Variants in ADRA1A observed in about 807,000 individuals in gnomAD.
ADRA1A encodes alpha-1A adrenergic receptor.
ADRA1A carries 31 observed loss-of-function variants against 29.6 expected under a neutral mutation model. The observed-to-expected ratio is 1.05, with a 90% CI of 0.79 to 1.41. The LOEUF is 1.41. Ranked by LOEUF, ADRA1A falls within the 40% of genes most tolerant of loss-of-function variation. The pLI is 0.00. For missense variants in ADRA1A, 619 were observed against 601.1 expected, an observed-to-expected ratio of 1.03 and a Z score of -0.31; for synonymous variants, 311 against 254.3, an observed-to-expected ratio of 1.22 and a Z score of -2.12.
At chr8:26,867,367 T>A (rs1176703068), upstream of ADRA1A, 2 of 985,302 alleles carry the variant, frequency 2.0e-6, no homozygotes, top group East Asian at 2.3e-4. Flanking sequence ...GCTGTAATGT[T>A]TTCCTCTGGC....
intron 2 of ADRA1A, among the ~76,000 whole-genome samples, chr8:26,816,604 G>A (rs377528861): frequency 2.0e-5 from 3 of 151,234 alleles, no homozygotes; most frequent in Admixed American, 6.6e-5. Flanking sequence ...ATGTGCACAC[G>A]CCTAACACAC....
rs533027501 is a variant in ADRA1A, at chr8:26,757,902, C to A, written c.1270-1123G>T. On this transcript the variant is annotated intron_variant, in intron 2 of 2. Transcript: ENST00000380582. ...ACTCACACCTTTTCTATAATGACTG[C>A]ATTTTATGTAGCATCTTTCATAGGA... Among the ~76,000 whole-genome samples the A allele has an allele frequency of 3.9e-5, 6 of 152,066 alleles. No individual in the cohort carries two copies. In the South Asian group the frequency reaches 1.0e-3, roughly 26 times the overall value.
At chr8:26,788,060 C>A (rs1038157284) in intron 2 of ADRA1A, among the ~76,000 whole-genome samples, 2 of 152,070 alleles carry the variant, frequency 1.3e-5, no homozygotes, top group African/African-American at 4.8e-5. Flanking sequence ...TGAGAATCCC[C>A]AAGTATTTCA....
At chr8:26,780,221 T>C (rs989858389) in intron 2 of ADRA1A, among the ~76,000 whole-genome samples, 5 of 152,198 alleles carry the variant, frequency 3.3e-5, no homozygotes, top group Admixed American at 2.6e-4. Flanking sequence ...GGCACTTCCA[T>C]AGATACTGGA....
At chr8:26,845,947 G>A (rs1812165224) in intron 2 of ADRA1A, among the ~76,000 whole-genome samples, 2 of 152,302 alleles carry the variant, frequency 1.3e-5, no homozygotes, top group Non-Finnish European at 2.9e-5. Flanking sequence ...TTGCTAATGG[G>A]ACCCAGATTT....
exon 3 of ADRA1A, chr8:26,748,340 A>AC (rs1804779683): frequency 5.8e-6 from 1 of 171,162 alleles, no homozygotes; most frequent in Admixed American, 6.1e-5. Flanking sequence ...GTCTTACCCC[A>AC]CTCCCAACAT....
chr8:26,787,441 C>G lies in ADRA1A; in HGVS notation c.884-16775G>C, dbSNP rs1463055947. On this transcript the variant is annotated intron_variant, in intron 2 of 2. Coordinates refer to ENST00000380573, the MANE Select transcript of ADRA1A (RefSeq NM_000680.4). This position sits in a 1 kb window ranked among gnomAD's most constrained non-coding sequence, Gnocchi z 4.2. ...TATATTCTGTCTGAAAAGACTTTGA[C>G]AAAATGCAACTAATAAAGTACGCCT... Among the ~76,000 whole-genome samples the G allele has an allele frequency of 6.6e-6, 1 of 152,012 alleles. No homozygotes were observed. The highest frequency in any genetic ancestry group is 2.1e-4 in the South Asian group (1 of 4,828).
intron 2 of ADRA1A, among the ~76,000 whole-genome samples, chr8:26,783,393 A>G (rs1807138603): frequency 6.6e-6 from 1 of 152,174 alleles, no homozygotes; most frequent in South Asian, 2.1e-4. Flanking sequence ...GCGATGTGGC[A>G]TCTTTTGTTC....
intron 2 of ADRA1A, among the ~76,000 whole-genome samples, chr8:26,838,683 G>C (rs972163068): frequency 5.3e-5 from 8 of 152,108 alleles, no homozygotes; most frequent in African/African-American, 1.7e-4. Context: ...GGAGAACCAG[G>C]GTCATTCAAA....
At chr8:26,764,846 A>G (rs1805688685), downstream of ADRA1A, among the ~76,000 whole-genome samples, 1 of 152,150 alleles carries the variant, frequency 6.6e-6, no homozygotes, top group African/African-American at 2.4e-5. Context: ...CAGTGCCGTC[A>G]TTTTTTTCTC....
rs1353024849 is a variant in ADRA1A, at chr8:26,848,048, G to A, written c.883+16039C>T. On this transcript the variant is annotated intron_variant, in intron 2 of 2. Coordinates refer to ENST00000380573, the MANE Select transcript of ADRA1A (RefSeq NM_000680.4). The surrounding 1 kb of genome is among the most constrained non-coding windows in gnomAD (Gnocchi z 4.3). ...CTCTCCTACAGATGAGGACACCAGA[G>A]TGCAGAGCAAAGGGCAGGACCACGT... Among the ~76,000 whole-genome samples the A allele has an allele frequency of 2.0e-5, 3 of 152,220 alleles. No individual in the cohort carries two copies. Among genetic ancestry groups the A allele is most frequent in the African/African-American group, 7.2e-5 (3 of 41,452 alleles).
chr8:26,826,794 C>T (rs557339983), intron 2 of ADRA1A, among the ~76,000 whole-genome samples: 11 of 152,184 alleles, frequency 7.2e-5, no homozygotes, highest in Non-Finnish European at 1.0e-4. Flanking sequence ...CGAGGGTCTC[C>T]CAGTCTGATT....
At position 26,856,381 on chromosome 8, in the gene ADRA1A, T is replaced by C. The variant is rs568523505; in HGVS notation, c.883+7706A>G. ...TGTTTTCACTAAGCCTTTGATAATC[T>C]TGAAATGCTGTATAAACTCTATCAT... On this transcript the variant is annotated intron_variant, in intron 2 of 2. Coordinates refer to ENST00000380573, the MANE Select transcript of ADRA1A (RefSeq NM_000680.4). Among the ~76,000 whole-genome samples the C allele has an allele frequency of 7.9e-5, 12 of 152,346 alleles. No homozygotes were observed. In the East Asian group the frequency reaches 1.3e-3, roughly 17 times the overall value.
At chr8:26,766,843 G>A (rs539648142), downstream of ADRA1A, among the ~76,000 whole-genome samples, 1 of 152,128 alleles carries the variant, frequency 6.6e-6, no homozygotes, top group African/African-American at 2.4e-5. Context: ...AAGATGCCTG[G>A]CACACTGTAG....
Position 26,867,163 on chromosome 8 carries a change from A to C in ADRA1A, c.-914T>G. On this transcript the variant is annotated 5_prime_UTR_variant, in exon 1 of 3. Transcript: ENST00000380573. ...GCATTTTTTAAAAAGAGTCAAAATA[A>C]GAAAAGAAAAAAAAATGCAGATAAC... The C allele has an allele frequency of 1.0e-6, 1 of 985,420 alleles. No homozygotes were observed. The allele number at this position is 985,420 out of a possible 1,614,324, so 61.0% of individuals were successfully genotyped here. A position where few individuals can be genotyped will look rare whatever the true frequency, so the allele number is the denominator to read the frequency against.
At chr8:26,757,035 A>T in intron 2 of ADRA1A, 1 of 706,634 alleles carries the variant, frequency 1.4e-6, no homozygotes. Flanking sequence ...CTTTCTCCAA[A>T]CACTGAAAGA....
At chr8:26,786,238 A>ATTTTTC (rs1472667009) in intron 2 of ADRA1A, among the ~76,000 whole-genome samples, 14 of 111,686 alleles carry the variant, frequency 1.3e-4, no homozygotes, top group African/African-American at 7.0e-4. Context: ...TTTTATTTTT[A>ATTTTTC]AATTTTTTTT....
chr8:26,824,610 C>T (rs745586953), intron 2 of ADRA1A, among the ~76,000 whole-genome samples: 6 of 152,288 alleles, frequency 3.9e-5, no homozygotes, highest in Admixed American at 6.5e-5. Flanking sequence ...TGCCCCTCCC[C>T]CTTCCTCCCT....
rs1397358854 is a variant in ADRA1A, at chr8:26,825,657, A to G, written c.883+38430T>C. ...CAACTATGTCAGCCTTCACAGAGCAACTGTCATTCTTTAGGAAAAATCAAA... is the reference window on the plus strand; with the variant it reads ...CAACTATGTCAGCCTTCACAGAGCAGCTGTCATTCTTTAGGAAAAATCAAA... On this transcript the variant is annotated intron_variant, in intron 2 of 2. Transcript: ENST00000380573. The surrounding 1 kb of genome is among the most constrained non-coding windows in gnomAD (Gnocchi z 5.7). 6.6e-6 allele frequency among the ~76,000 whole-genome samples: 1 copy of G among 152,222 alleles called. No homozygotes were observed. The highest frequency in any genetic ancestry group is 1.5e-5 in the Non-Finnish European group (1 of 68,048).
Sources: allele counts gnomAD v4.1 joint callset (sites outside exome capture counted in the v4.1 genomes callset), GRCh38; gene constraint gnomAD v4.1.1; non-coding constraint Gnocchi (gnomAD v3.1); transcripts MANE v1.5; gene names NCBI Gene and HGNC (gene_info 2026-07-23, HGNC 2026-07-21).